The following SPATA13 variants were observed in gnomAD, a reference collection of about 807,000 sequenced individuals.
SPATA13 encodes spermatogenesis-associated protein 13.
A neutral mutation model predicts 104.0 loss-of-function variants in SPATA13; 50 were observed. The ratio of observed to expected loss-of-function variants is 0.48; its 90% CI spans 0.38 to 0.61. The LOEUF is 0.61. Among genes scored for constraint, SPATA13 ranks in the 20% least tolerant of loss-of-function variants. SPATA13 has a pLI of 0.00. For missense variants in SPATA13, 1,524 were observed against 1,690.6 expected, an observed-to-expected ratio of 0.90 and a Z score of 1.73; for synonymous variants, 606 against 667.5, an observed-to-expected ratio of 0.91 and a Z score of 1.42.
intron 8 of SPATA13, 65 bp downstream of exon 8, chr13:24,289,243 A>G: frequency 7.8e-7 from 1 of 1,287,862 alleles, no homozygotes; most frequent in South Asian, 1.4e-5. Context: ...GCATCTCCAC[A>G]GAAAACAGGA....
In SPATA13 at chr13:24,223,914, G is replaced by A; in HGVS notation, c.985G>A (p.Glu329Lys). Reference protein sequence around the residue: ...RVFKLVSNVTEAAWRRESPRS... With the variant: ...RVFKLVSNVTKAAWRRESPRS... Reference sequence around the variant, plus strand: ...CTTCAAACTTGTGAGCAATGTGACTGAGGCTGCCTGGAGGAGGGAGAGTCC... The same window carrying A: ...CTTCAAACTTGTGAGCAATGTGACTAAGGCTGCCTGGAGGAGGGAGAGTCC... The change falls in exon 2 of 13, where the codon GAG becomes AAG. Residue 329 changes from glutamate to lysine, a missense_variant. Glu to Lys is a moderately conservative substitution (Grantham distance 56). Transcript: ENST00000382108. The A allele has an allele frequency of 6.4e-7, 1 of 1,551,622 alleles. No individual in the cohort carries two copies. Among genetic ancestry groups the A allele is most frequent in the Non-Finnish European group, 8.7e-7 (1 of 1,146,974 alleles).
chr13:24,022,291 C>A (rs1466421814), intron 3 of SPATA13, among the ~76,000 whole-genome samples: 2 of 152,012 alleles, frequency 1.3e-5, no homozygotes, highest in Non-Finnish European at 2.9e-5. Context: ...CCAGCCTTAG[C>A]CTCCCAAAGT....
intron 1 of SPATA13, among the ~76,000 whole-genome samples, chr13:24,197,365 T>C (rs1870116916): frequency 6.6e-6 from 1 of 152,232 alleles, no homozygotes; most frequent in Non-Finnish European, 1.5e-5. Context: ...AACTTTCAAA[T>C]TGTTAAAACG....
rs1309191686 is a variant in SPATA13 at position 24,109,703 on chromosome 13, A to G, written c.-112+92002A>G. 2.0e-5 allele frequency among the ~76,000 whole-genome samples: 3 copies of G among 152,084 alleles called. No homozygotes were observed. In the East Asian group the frequency reaches 5.8e-4, roughly 29 times the overall value. The stretch of plus-strand genomic sequence containing the variant: ...TTAAAAATGACCTGATACTAACCCT[A>G]TCCTTTTGGAGCCTTTTTTGCCCCC... On this transcript the variant is annotated intron_variant, in intron 3 of 14. Coordinates refer to the SPATA13 transcript ENST00000424834.
chr13:24,126,986 A>G (rs180730767), intron 3 of SPATA13, among the ~76,000 whole-genome samples: 1 of 152,276 alleles, frequency 6.6e-6, no homozygotes, highest in Admixed American at 6.5e-5. Flanking sequence ...ATCCTTTCAC[A>G]TTTGTTATCT....
chr13:24,222,505 A>G (rs1169461600), intron 1 of SPATA13, among the ~76,000 whole-genome samples: 1 of 152,154 alleles, frequency 6.6e-6, no homozygotes, highest in East Asian at 1.9e-4. Flanking sequence ...AAGAAAAGAT[A>G]GTGTTGAATG....
chr13:24,137,814 T>C lies in SPATA13; in HGVS notation c.-111-85005T>C, dbSNP rs545224739. Among the ~76,000 whole-genome samples the C allele has an allele frequency of 3.7e-4, 57 of 152,292 alleles. 2 individuals are homozygous for C. In the South Asian group the frequency reaches 0.011, roughly 29 times the overall value. On this transcript the variant is annotated intron_variant, in intron 3 of 14. Coordinates refer to the SPATA13 transcript ENST00000424834. ...TAAGTATGGTCAAGAAGTACTGTGC[T>C]CTTTGACTATTTTATGTGCGTCATC...
At chr13:24,062,576 G>A (rs1878809153) in intron 3 of SPATA13, among the ~76,000 whole-genome samples, 1 of 152,100 alleles carries the variant, frequency 6.6e-6, no homozygotes, top group African/African-American at 2.4e-5. Flanking sequence ...ATCCGGTGAC[G>A]AAGGAGCCTC....
chr13:24,254,609 C>A (rs1382884638), intron 4 of SPATA13, among the ~76,000 whole-genome samples: 1 of 152,176 alleles, frequency 6.6e-6, no homozygotes, highest in African/African-American at 2.4e-5. Context: ...CAAATCCAAG[C>A]CCAGCATAAG....
intron 2 of SPATA13, among the ~76,000 whole-genome samples, chr13:23,993,115 G>A (rs531311741): frequency 6.6e-6 from 1 of 152,036 alleles, no homozygotes; most frequent in South Asian, 2.1e-4. Context: ...AGTCTAAGTC[G>A]CTACATAAGG....
intron 1 of SPATA13, among the ~76,000 whole-genome samples, chr13:24,177,765 C>G (rs1868522893): frequency 1.3e-5 from 2 of 151,744 alleles, no homozygotes; most frequent in Non-Finnish European, 2.9e-5. Context: ...TTAATAAGGG[C>G]TCTAATCCCA....
In SPATA13 at chr13:24,122,416, G is replaced by A. The variant is rs192050292; in HGVS notation, c.-111-100403G>A. On this transcript the variant is annotated intron_variant, in intron 3 of 14. Coordinates refer to the SPATA13 transcript ENST00000424834. ...ATAGCCTTCCAGAGCAGTCTCTTCCGCATCATCTTCTTACCAGTCTTCATC... is the reference window on the plus strand; with the variant it reads ...ATAGCCTTCCAGAGCAGTCTCTTCCACATCATCTTCTTACCAGTCTTCATC... The A allele has an allele frequency of 3.8e-4, 608 of 1,587,050 alleles. 7 individuals are homozygous for A. The East Asian group carries it at 5.9e-3, about 15-fold the overall frequency.
intron 3 of SPATA13, among the ~76,000 whole-genome samples, chr13:24,113,188 C>T (rs1253543924): frequency 3.3e-5 from 5 of 152,360 alleles, no homozygotes; most frequent in African/African-American, 1.2e-4. Flanking sequence ...ACCACTATAT[C>T]TGCACGTGCC....
At chr13:24,025,813 C>CTTTTT (rs61153723) in intron 3 of SPATA13, among the ~76,000 whole-genome samples, 5 of 146,556 alleles carry the variant, frequency 3.4e-5, no homozygotes, top group East Asian at 4.0e-4. Flanking sequence ...TTCTTTCTTT[C>CTTTTT]TTTTTTTTTT....
chr13:24,150,956 T>C (rs140895154), intron 3 of SPATA13, among the ~76,000 whole-genome samples: 63 of 152,298 alleles, frequency 4.1e-4, no homozygotes, highest in African/African-American at 1.3e-3. Context: ...CCCAGCCAAA[T>C]TGATGCATAA....
In SPATA13 at chr13:24,114,445, C is replaced by T. The variant is rs1004454777; in HGVS notation, c.-112+96744C>T. Among the ~76,000 whole-genome samples, 6 of 147,184 alleles carry T rather than the reference C, an allele frequency of 4.1e-5. No individual in the cohort carries two copies. The Admixed American group carries it at 4.1e-4, about 10-fold the overall frequency. On this transcript the variant is annotated intron_variant, in intron 3 of 14. Transcript: ENST00000424834. ...CCTAGTGCCTTACCACAGCAGACTA[C>T]TTGGTGAGCAGGAAAGAGAGCTGGC...
At chr13:24,206,545 A>G (rs1223166349) in intron 1 of SPATA13, among the ~76,000 whole-genome samples, 1 of 152,346 alleles carries the variant, frequency 6.6e-6, no homozygotes, top group African/African-American at 2.4e-5. Context: ...CACTTGACCC[A>G]ACAATCCCAT....
chr13:24,203,177 G>C (rs1870521757), intron 1 of SPATA13, among the ~76,000 whole-genome samples: 2 of 150,990 alleles, frequency 1.3e-5, no homozygotes, highest in Non-Finnish European at 2.9e-5. Flanking sequence ...TCCCCTCCAT[G>C]TGAAATGATG....
chr13:24,081,530 C>A (rs9511036), intron 3 of SPATA13, among the ~76,000 whole-genome samples: 1 of 151,716 alleles, frequency 6.6e-6, no homozygotes, highest in Non-Finnish European at 1.5e-5. Flanking sequence ...AAAAGCTGGC[C>A]CAGTGTGATG....
Sources: allele counts gnomAD v4.1 joint callset (sites outside exome capture counted in the v4.1 genomes callset), GRCh38; gene constraint gnomAD v4.1.1; transcripts MANE v1.5; gene names NCBI Gene and HGNC (gene_info 2026-07-23, HGNC 2026-07-21).